The following PJA2 variants were observed in gnomAD, a reference collection of about 807,000 sequenced individuals.
The protein encoded by PJA2 is E3 ubiquitin-protein ligase Praja-2.
In PJA2, 25 loss-of-function variants were observed where a neutral mutation model predicts 69.3. The ratio of observed to expected loss-of-function variants is 0.36; its 90% CI spans 0.26 to 0.50. The LOEUF (loss-of-function observed/expected upper bound fraction) is 0.50. Among genes scored for constraint, PJA2 ranks in the 20% least tolerant of loss-of-function variants. PJA2 has a pLI of 0.96. For missense variants in PJA2, 809 were observed against 830.2 expected, an observed-to-expected ratio of 0.97 and a Z score of 0.31; for synonymous variants, 308 against 277.8, an observed-to-expected ratio of 1.11 and a Z score of -1.08.
At chr5:109,380,122 C>T (rs1747007739) in intron 3 of PJA2, among the ~76,000 whole-genome samples, 1 of 100,658 alleles carries the variant, frequency 9.9e-6, no homozygotes, top group Non-Finnish European at 1.8e-5. Context: ...GAGACGGAGT[C>T]TTGCTCTGTG....
At chr5:109,365,801 C>G (rs1215173063) in intron 5 of PJA2, among the ~76,000 whole-genome samples, 1 of 152,144 alleles carries the variant, frequency 6.6e-6, no homozygotes, top group Non-Finnish European at 1.5e-5. Context: ...TTTCATGAGT[C>G]ATGTGACCAA....
chr5:109,346,532 T>C (rs1762174948), intron 7 of PJA2, among the ~76,000 whole-genome samples: 1 of 152,220 alleles, frequency 6.6e-6, no homozygotes, highest in South Asian at 2.1e-4. Flanking sequence ...GATGGATGAA[T>C]ATGCAAAATG....
intron 9 of PJA2, among the ~76,000 whole-genome samples, chr5:109,341,236 A>G (rs989736053): frequency 4.2e-5 from 6 of 143,996 alleles, no homozygotes; most frequent in Admixed American, 4.1e-4. Context: ...GGAAGTGAGG[A>G]GCATCTCTGC....
At chr5:109,406,330 G>T (rs999363441) in intron 1 of PJA2, among the ~76,000 whole-genome samples, 1 of 152,166 alleles carries the variant, frequency 6.6e-6, no homozygotes, top group Non-Finnish European at 1.5e-5. Context: ...GTGAGCCACC[G>T]CGCCAGGCCC....
At chr5:109,369,018 C>A (rs1006192231) in intron 4 of PJA2, among the ~76,000 whole-genome samples, 36 of 152,178 alleles carry the variant, frequency 2.4e-4, no homozygotes, top group African/African-American at 8.4e-4. Context: ...CACCTCCCCC[C>A]TCATTCTTTC....
At chr5:109,344,431 G>C in intron 8 of PJA2, 120 bp from the exon 9 acceptor site, 1 of 1,091,194 alleles carries the variant, frequency 9.2e-7, no homozygotes, top group Non-Finnish European at 1.3e-6. Context: ...TCTTTGACCA[G>C]TTAATTGGCA....
chr5:109,353,502 ATC>A (rs1762316450), intron 7 of PJA2, among the ~76,000 whole-genome samples: 1 of 94,606 alleles, frequency 1.1e-5, no homozygotes, highest in African/African-American at 3.0e-5. Flanking sequence ...TATCTATAAT[ATC>A]TATAGATATC....
intron 7 of PJA2, among the ~76,000 whole-genome samples, chr5:109,351,641 A>G (rs1363524090): frequency 2.6e-5 from 4 of 152,084 alleles, no homozygotes; most frequent in Non-Finnish European, 4.4e-5. Context: ...TTAAGGTTTT[A>G]CCCTCTCCTC....
At chr5:109,398,246 T>C (rs1038379288) in intron 1 of PJA2, among the ~76,000 whole-genome samples, 1 of 152,128 alleles carries the variant, frequency 6.6e-6, no homozygotes, top group African/African-American at 2.4e-5. Context: ...GAATTAGAAA[T>C]ACCATTTGAC....
At chr5:109,391,962 A>G (rs75983079) in intron 1 of PJA2, among the ~76,000 whole-genome samples, 5,774 of 152,292 alleles carry the variant, frequency 0.038, 114 homozygotes, top group Middle Eastern at 0.051. Flanking sequence ...TAACTACGTG[A>G]AGAAAAATCC....
At chr5:109,342,383 T>G (rs1218541780) in intron 9 of PJA2, among the ~76,000 whole-genome samples, 11 of 92,144 alleles carry the variant, frequency 1.2e-4, no homozygotes, top group African/African-American at 2.1e-4. Context: ...GGTGGGGGGG[T>G]CGGCCCCCTG....
intron 6 of PJA2, 119 bp from the exon 7 acceptor site, chr5:109,356,145 C>T (rs1200733371): frequency 1.0e-5 from 7 of 666,744 alleles, no homozygotes; most frequent in Non-Finnish European, 1.5e-5. Context: ...AACAGAAGAC[C>T]TTAAAATATT....
At chr5:109,337,549 C>T (rs181305639) in intron 9 of PJA2, among the ~76,000 whole-genome samples, 193 bp from the exon 10 acceptor site, 125 of 152,262 alleles carry the variant, frequency 8.2e-4, no homozygotes, top group African/African-American at 2.9e-3. Flanking sequence ...ACTCTAGTTT[C>T]TTTGAGGGTA....
At chr5:109,375,457 G>A (rs1336039223) in intron 4 of PJA2, among the ~76,000 whole-genome samples, 7 of 151,970 alleles carry the variant, frequency 4.6e-5, no homozygotes, top group Non-Finnish European at 8.8e-5. Flanking sequence ...GCAGCGAGCC[G>A]AGATCACGCC....
At chr5:109,382,246 G>A (rs1474579274) in intron 2 of PJA2, among the ~76,000 whole-genome samples, 7 of 151,928 alleles carry the variant, frequency 4.6e-5, no homozygotes, top group South Asian at 2.1e-4. Context: ...AAAGATTAAC[G>A]TCAGATAAAA....
At chr5:109,369,544 CT>C (rs998351336) in intron 4 of PJA2, among the ~76,000 whole-genome samples, 2 of 152,160 alleles carry the variant, frequency 1.3e-5, no homozygotes, top group Non-Finnish European at 2.9e-5. Context: ...ACTAAAACAA[CT>C]TTCAAATTAT....
chr5:109,360,013 A>T (rs1018098563), intron 6 of PJA2, among the ~76,000 whole-genome samples: 1 of 152,240 alleles, frequency 6.6e-6, no homozygotes, highest in Non-Finnish European at 1.5e-5. Flanking sequence ...ATGGTAACAC[A>T]AACGTGGTTT....
chr5:109,408,467 T>G (rs1339492640), intron 1 of PJA2, among the ~76,000 whole-genome samples: 1 of 152,142 alleles, frequency 6.6e-6, no homozygotes, highest in Non-Finnish European at 1.5e-5. Context: ...AGTAAAAATG[T>G]CCAACATATG....
chr5:109,357,124 C>G (rs921290383), intron 6 of PJA2, among the ~76,000 whole-genome samples: 1 of 152,108 alleles, frequency 6.6e-6, no homozygotes, highest in Non-Finnish European at 1.5e-5. Context: ...AAACTTCCCC[C>G]GAAGCTCTTG....
Sources: allele counts gnomAD v4.1 joint callset (sites outside exome capture counted in the v4.1 genomes callset), GRCh38; gene constraint gnomAD v4.1.1; transcripts MANE v1.5; gene names NCBI Gene and HGNC (gene_info 2026-07-23, HGNC 2026-07-21).